NDUFC1: variants seen among roughly 807,000 people sequenced by gnomAD.
NDUFC1 encodes NADH dehydrogenase [ubiquinone] 1 subunit C1, mitochondrial.
A neutral mutation model predicts 11.6 loss-of-function variants in NDUFC1; 11 were observed. The ratio of observed to expected loss-of-function variants is 0.95; its 90% confidence interval spans 0.60 to 1.58. The LOEUF (loss-of-function observed/expected upper bound fraction) is 1.58, where lower values mean the gene tolerates loss of function less well. Among genes scored for constraint, NDUFC1 ranks in the 40% most tolerant of loss-of-function variants. NDUFC1 has a pLI of 0.00. For missense variants in NDUFC1, 112 were observed against 93.0 expected, an observed-to-expected ratio of 1.20 and a Z score of -0.84; for synonymous variants, 52 against 42.2, an observed-to-expected ratio of 1.23 and a Z score of -0.90.
At chr4:139,294,906 CGATTATATAAATATCCTACTGTTAT>C (rs1380644046) in intron 4 of NDUFC1, 112 bp downstream of exon 4, 2 of 583,534 alleles carry the variant, frequency 3.4e-6, no homozygotes, top group Non-Finnish European at 6.1e-6. Context: ...TACGTATCAG[CGATTATATAAATATCCTACTGTTAT>C]GAGAGTTTCA....
chr4:139,293,419 C>T (rs909099477), intron 4 of NDUFC1, among the ~76,000 whole-genome samples: 5 of 152,134 alleles, frequency 3.3e-5, no homozygotes, highest in African/African-American at 9.7e-5. Context: ...GGCTTATATA[C>T]GATGACATTC....
chr4:139,300,976 C>G (rs550109281), intron 1 of NDUFC1: 1 of 152,346 alleles, frequency 6.6e-6, no homozygotes, highest in Non-Finnish European at 1.5e-5. Flanking sequence ...ATACGACAGC[C>G]AGGCCCATTT....
chr4:139,301,479 G>A, intron 1 of NDUFC1: 1 of 456,640 alleles, frequency 2.2e-6, no homozygotes, highest in Non-Finnish European at 3.9e-6. Context: ...GACCCGGGTG[G>A]GAAAACCCTC....
intron 2 of NDUFC1, chr4:139,296,214 G>A (rs1046788628): frequency 1.2e-4 from 20 of 172,778 alleles, no homozygotes; most frequent in Admixed American, 3.2e-4. Context: ...TCTTCAAAAC[G>A]AGCACATATC....
intron 5 of NDUFC1, among the ~76,000 whole-genome samples, chr4:139,291,192 C>T (rs1018308890): frequency 2.2e-4 from 33 of 151,620 alleles, no homozygotes; most frequent in African/African-American, 7.5e-4. Flanking sequence ...CTATCTTGTT[C>T]ATAACTAGGT....
At chr4:139,296,804 C>T (rs1175412373) in intron 2 of NDUFC1, among the ~76,000 whole-genome samples, 1 of 152,160 alleles carries the variant, frequency 6.6e-6, no homozygotes, top group Non-Finnish European at 1.5e-5. Flanking sequence ...AGGTAACAGA[C>T]AATACATTTT....
intron 1 of NDUFC1, among the ~76,000 whole-genome samples, chr4:139,299,386 T>G (rs1745609999): frequency 6.6e-6 from 1 of 152,194 alleles, no homozygotes; most frequent in Non-Finnish European, 1.5e-5. Flanking sequence ...AATTAAAGTT[T>G]GCAAGGTAAA....
intron 1 of NDUFC1, chr4:139,301,606 C>T: frequency 1.5e-6 from 1 of 670,384 alleles, no homozygotes; most frequent in South Asian, 1.9e-5. Context: ...AAAAAGACAA[C>T]GAGGAAAAAG....
At chr4:139,294,124 T>C (rs866014525) in intron 4 of NDUFC1, among the ~76,000 whole-genome samples, 31 of 151,822 alleles carry the variant, frequency 2.0e-4, no homozygotes, top group African/African-American at 6.8e-4. Context: ...TTTGTATTTT[T>C]GGTAGAGACG....
intron 1 of NDUFC1, chr4:139,301,632 G>A: frequency 1.2e-6 from 1 of 852,762 alleles, no homozygotes; most frequent in Non-Finnish European, 1.8e-6. Flanking sequence ...GTCCGGGTAG[G>A]GCAACGCGGC....
chr4:139,291,507 G>C (rs780672175), intron 5 of NDUFC1, among the ~76,000 whole-genome samples: 6 of 151,848 alleles, frequency 4.0e-5, no homozygotes, highest in Admixed American at 1.3e-4. Context: ...CCTGGGAGGC[G>C]GAGGTTGCAG....
intron 4 of NDUFC1, 37 bp from the exon 5 acceptor site, chr4:139,292,646 T>C (rs996381764): frequency 1.6e-6 from 2 of 1,260,024 alleles, no homozygotes; most frequent in South Asian, 1.4e-5. Flanking sequence ...AGAAATGTAA[T>C]CTTCCTGGAT....
At chr4:139,301,860 G>A (rs1298380364) in intron 1 of NDUFC1, 2 of 1,575,340 alleles carry the variant, frequency 1.3e-6, no homozygotes, top group African/African-American at 1.4e-5. Context: ...GCAAGCGGTG[G>A]GGAGGATTTA....
intron 5 of NDUFC1, among the ~76,000 whole-genome samples, chr4:139,291,122 A>G (rs1297599340): frequency 2.7e-5 from 4 of 150,042 alleles, no homozygotes; most frequent in South Asian, 2.1e-4. Context: ...AGATGTATAT[A>G]TTTTATATAT....
intron 5 of NDUFC1, among the ~76,000 whole-genome samples, chr4:139,290,317 CTT>C (rs1248275815): frequency 1.2e-3 from 154 of 124,348 alleles, no homozygotes; most frequent in African/African-American, 3.5e-3. Context: ...ATTTTTACCT[CTT>C]TTTTTTTTTT....
intron 4 of NDUFC1, 76 bp from the exon 5 acceptor site, chr4:139,292,685 G>A (rs2110760239): frequency 1.1e-6 from 1 of 937,224 alleles, no homozygotes; most frequent in Non-Finnish European, 1.6e-6. Flanking sequence ...AATAAGGATA[G>A]AAAAAATAAA....
Position 139,295,789 on chromosome 4 carries a change from A to T in NDUFC1, c.10T>A (p.Ser4Thr). 1.3e-6 allele frequency: 2 copies of T among 1,546,650 alleles called. No homozygotes were observed. The highest frequency in any genetic ancestry group is 1.7e-6 in the Non-Finnish European group (2 of 1,146,942). The change falls in exon 3 of 6, where the codon TCC becomes ACC. Residue 4 changes from serine (S) to threonine (T), a missense_variant. By Grantham distance (58) the Ser-to-Thr change is moderately conservative. Transcript: ENST00000394223. The stretch of plus-strand genomic sequence containing the variant: ...CGGGAAAGGGGACGCAGCAAGGCGG[A>T]CGGCGCCATCTTGCGTGGCCCAGCT... MAP[S>T]ALLRPLSRLL... is the part of the protein sequence containing the mutation.
intron 3 of NDUFC1, 36 bp downstream of exon 3, chr4:139,295,696 G>C: frequency 6.5e-7 from 1 of 1,530,814 alleles, no homozygotes; most frequent in South Asian, 1.2e-5. Context: ...GGGGTAATCT[G>C]AGGGTCGAGT....
In NDUFC1 at chr4:139,292,625, C is replaced by T. The variant is rs964453195; in HGVS notation, c.172-16G>A. On this transcript the variant is annotated splice_polypyrimidine_tract_variant and intron_variant, in intron 4 of 5. Coordinates refer to ENST00000394223, the MANE Select transcript of NDUFC1 (RefSeq NM_001184989.2). Reference sequence around the variant, plus strand: ...GTTTGATGAGCTACAAAGAGTTAAACAGTTAAAATTAGAAATGTAATCTTC... The same window carrying T: ...GTTTGATGAGCTACAAAGAGTTAAATAGTTAAAATTAGAAATGTAATCTTC... 6.8e-7 allele frequency: 1 copy of T among 1,472,556 alleles called. No individual in the cohort carries two copies. The highest frequency in any genetic ancestry group is 9.3e-7 in the Non-Finnish European group (1 of 1,070,980). The allele number at this position is 1,472,556 out of a possible 1,614,324, so 91.2% of individuals were successfully genotyped here. A position where few individuals can be genotyped will look rare whatever the true frequency, so the allele number is the denominator to read the frequency against.
Sources: allele counts gnomAD v4.1 joint callset (sites outside exome capture counted in the v4.1 genomes callset), GRCh38; gene constraint gnomAD v4.1.1; transcripts MANE v1.5; gene names NCBI Gene and HGNC (gene_info 2026-07-23, HGNC 2026-07-21).